CFAP57: variants seen among roughly 807,000 people sequenced by gnomAD.
CFAP57 encodes cilia- and flagella-associated protein 57.
CFAP57 carries 116 observed loss-of-function variants against 146.8 expected under a neutral mutation model. That is an observed-to-expected ratio of 0.79 (90% CI 0.68 to 0.92). The LOEUF (loss-of-function observed/expected upper bound fraction) is 0.92. CFAP57 is among the 40% of genes least tolerant of loss of function. The pLI, the probability that CFAP57 is intolerant of heterozygous loss-of-function variation, is 0.00. For synonymous variants in CFAP57, 518 were observed against 552.8 expected (o/e 0.94, Z 0.88); for missense variants, 1,377 against 1,527.2 (o/e 0.90, Z 1.64).
intron 10 of CFAP57, among the ~76,000 whole-genome samples, chr1:43,208,199 G>A (rs939648057): frequency 2.6e-5 from 4 of 152,212 alleles, no homozygotes; most frequent in Non-Finnish European, 4.4e-5. Flanking sequence ...TACACTGTTG[G>A]TGGGACTGTA....
At chr1:43,219,247 A>G in intron 12 of CFAP57, 135 bp from the exon 13 acceptor site, 1 of 939,538 alleles carries the variant, frequency 1.1e-6, no homozygotes, top group Non-Finnish European at 1.5e-6. Flanking sequence ...TGGGGAAAAG[A>G]TGACAAGTTC....
intron 9 of CFAP57, among the ~76,000 whole-genome samples, chr1:43,203,940 C>A (rs1290731582): frequency 6.6e-6 from 1 of 152,180 alleles, no homozygotes; most frequent in Non-Finnish European, 1.5e-5. Flanking sequence ...GTTTTTCTCT[C>A]TTCTCCTAGT....
At chr1:43,183,120 G>T (rs1449470129) in intron 3 of CFAP57, among the ~76,000 whole-genome samples, 1 of 152,194 alleles carries the variant, frequency 6.6e-6, no homozygotes, top group Non-Finnish European at 1.5e-5. Context: ...CTTATGATGG[G>T]TTTATCAGGA....
chr1:43,195,061 G>C (rs1643776486), intron 6 of CFAP57: 1 of 152,182 alleles, frequency 6.6e-6, no homozygotes, highest in Non-Finnish European at 1.5e-5. Flanking sequence ...GATTTCTGAG[G>C]ACAGGGGAAA....
chr1:43,186,632 A>AAAAAAAAAAT, intron 5 of CFAP57, 75 bp from the exon 6 acceptor site: 1 of 1,285,274 alleles, frequency 7.8e-7, no homozygotes, highest in Non-Finnish European at 1.1e-6. Context: ...AAAAAAAAAA[A>AAAAAAAAAAT]AGAAAACTCT....
intron 21 of CFAP57, among the ~76,000 whole-genome samples, chr1:43,236,635 C>A (rs1371211339): frequency 1.4e-5 from 2 of 142,672 alleles, no homozygotes; most frequent in South Asian, 4.4e-4. Flanking sequence ...TCCAGCCGGG[C>A]GCAGTGGCTC....
intron 9 of CFAP57, among the ~76,000 whole-genome samples, chr1:43,203,809 G>C (rs954632608): frequency 6.6e-6 from 1 of 152,114 alleles, no homozygotes; most frequent in Non-Finnish European, 1.5e-5. Context: ...TTTTTGATGT[G>C]TCTGGATCTA....
At chr1:43,230,410 A>C (rs1039637403) in intron 18 of CFAP57, among the ~76,000 whole-genome samples, 19 of 152,114 alleles carry the variant, frequency 1.2e-4, no homozygotes, top group Non-Finnish European at 2.8e-4. Context: ...GATGCAAATT[A>C]CATCATTCCA....
chr1:43,172,769 G>A lies in CFAP57; in HGVS notation c.16G>A (p.Ala6Thr). 3 of 1,614,144 alleles carry A rather than the reference G, an allele frequency of 1.9e-6. No homozygotes were observed. Among genetic ancestry groups the A allele is most frequent in the Non-Finnish European group, 2.5e-6 (3 of 1,180,018 alleles). Reference sequence around the variant, plus strand: ...GCGGGAGATCATGTCAGCCGTGGTAGCTCAGACGCTGCATGTTTTTGGTCT... The same window carrying A: ...GCGGGAGATCATGTCAGCCGTGGTAACTCAGACGCTGCATGTTTTTGGTCT... The part of the protein sequence containing the change: MSAVV[A>T]QTLHVFGLRS... The change falls in exon 2 of 23, where the codon GCT (alanine) becomes ACT (threonine). Residue 6 changes from alanine (A) to threonine (T), a missense_variant. Ala to Thr is a moderately conservative substitution (Grantham distance 58). Transcript: ENST00000372492.
chr1:43,221,536 C>G, intron 14 of CFAP57, 71 bp downstream of exon 14: 1 of 1,011,908 alleles, frequency 9.9e-7, no homozygotes, highest in Non-Finnish European at 1.4e-6. Context: ...ACTCAAGAGT[C>G]CCCCAGACAC....
intron 18 of CFAP57, among the ~76,000 whole-genome samples, chr1:43,228,538 A>T (rs1432041243): frequency 6.7e-6 from 1 of 148,648 alleles, no homozygotes; most frequent in African/African-American, 2.5e-5. Flanking sequence ...GTACTCTGGT[A>T]AGCCCAGTAA....
intron 3 of CFAP57, among the ~76,000 whole-genome samples, chr1:43,182,458 T>C (rs1293015101): frequency 6.6e-6 from 1 of 152,200 alleles, no homozygotes; most frequent in Non-Finnish European, 1.5e-5. Flanking sequence ...ACGACTCAGT[T>C]GTGTTCATGT....
chr1:43,206,646 A>T, intron 9 of CFAP57, 74 bp from the exon 10 acceptor site: 2 of 1,492,100 alleles, frequency 1.3e-6, no homozygotes, highest in Non-Finnish European at 1.9e-6. Flanking sequence ...GCACCTAAGG[A>T]GTTTGCACCC....
chr1:43,234,455 G>T, intron 20 of CFAP57, 40 bp from the exon 21 acceptor site: 2 of 1,542,896 alleles, frequency 1.3e-6, no homozygotes, highest in Admixed American at 2.0e-5. Context: ...GACCTCCGGG[G>T]TCTCCTCTCC....
intron 21 of CFAP57, among the ~76,000 whole-genome samples, chr1:43,236,681 G>A (rs1277573538): frequency 2.6e-5 from 4 of 151,170 alleles, no homozygotes; most frequent in African/African-American, 4.9e-5. Context: ...AGGCCGAGGC[G>A]GGTGGATCGT....
chr1:43,245,003 A>C (rs1391967696), intron 22 of CFAP57, among the ~76,000 whole-genome samples: 2 of 151,670 alleles, frequency 1.3e-5, no homozygotes. Flanking sequence ...GAACAATTGC[A>C]AAACTTCTCT....
intron 6 of CFAP57, among the ~76,000 whole-genome samples, chr1:43,193,137 T>C (rs762261680): frequency 5.9e-5 from 9 of 152,230 alleles, no homozygotes; most frequent in Non-Finnish European, 1.2e-4. Flanking sequence ...CTAGTAACAT[T>C]TTCTATTTTG....
At chr1:43,187,679 G>GC (rs1219158074) in intron 6 of CFAP57, among the ~76,000 whole-genome samples, 1 of 150,746 alleles carries the variant, frequency 6.6e-6, no homozygotes, top group East Asian at 1.9e-4. Context: ...CCCCACCCCA[G>GC]CCCTAGGCCA....
chr1:43,192,744 G>A (rs942197087), intron 6 of CFAP57, among the ~76,000 whole-genome samples: 1 of 151,304 alleles, frequency 6.6e-6, no homozygotes, highest in East Asian at 1.9e-4. Context: ...GACCAACATG[G>A]CGAAACCCAG....
Sources: allele counts gnomAD v4.1 joint callset (sites outside exome capture counted in the v4.1 genomes callset), GRCh38; gene constraint gnomAD v4.1.1; transcripts MANE v1.5; gene names NCBI Gene and HGNC (gene_info 2026-07-23, HGNC 2026-07-21).